ARB2A: variants seen among roughly 807,000 people sequenced by gnomAD.
ARB2A encodes the protein cotranscriptional regulator ARB2A.
At chr5:93,678,901 G>T in the ARB2A span, among the ~76,000 whole-genome samples, 1 of 152,184 alleles carries the variant, frequency 6.6e-6, no homozygotes, top group African/African-American at 2.4e-5. Context: ...ACTGAGGATT[G>T]TGTGTTGGTT....
At chr5:94,011,615 GA>G in the ARB2A span, among the ~76,000 whole-genome samples, 1 of 152,126 alleles carries the variant, frequency 6.6e-6, no homozygotes, top group Admixed American at 6.5e-5. Context: ...ATATAATGTA[GA>G]AAGACTGGCT....
the ARB2A span, among the ~76,000 whole-genome samples, chr5:93,998,852 G>A: frequency 1.3e-5 from 2 of 151,932 alleles, no homozygotes; most frequent in African/African-American, 4.8e-5. Context: ...CCATTACTAG[G>A]CTACAAATCT....
the ARB2A span, among the ~76,000 whole-genome samples, chr5:93,852,940 T>A: frequency 2.4e-4 from 36 of 152,282 alleles, no homozygotes; most frequent in African/African-American, 8.4e-4. Flanking sequence ...CGATGTGGGC[T>A]CTTTTTTTGG....
the ARB2A span, among the ~76,000 whole-genome samples, chr5:94,018,367 C>A: frequency 6.6e-6 from 1 of 152,296 alleles, no homozygotes; most frequent in Non-Finnish European, 1.5e-5. Flanking sequence ...AGGATCACAA[C>A]TTACATTTGC....
chr5:93,680,095 C>T, the ARB2A span, among the ~76,000 whole-genome samples: 1 of 151,964 alleles, frequency 6.6e-6, no homozygotes, highest in Non-Finnish European at 1.5e-5. Flanking sequence ...AATTTCAGTC[C>T]TAATATTACA....
the ARB2A span, among the ~76,000 whole-genome samples, chr5:94,045,476 TAAATCACAAACACTTTA>T: frequency 6.6e-6 from 1 of 152,146 alleles, no homozygotes; most frequent in Non-Finnish European, 1.5e-5. Context: ...CAAATACTTT[TAAATCACAAACACTTTA>T]ATAGTATGAA....
chr5:93,626,931 G>C, the ARB2A span, among the ~76,000 whole-genome samples: 1 of 152,290 alleles, frequency 6.6e-6, no homozygotes, highest in East Asian at 1.9e-4. Flanking sequence ...ACCCACAGTA[G>C]AACTTCTTTC....
chr5:93,995,312 T>TC, the ARB2A span, among the ~76,000 whole-genome samples: 4 of 152,208 alleles, frequency 2.6e-5, no homozygotes, highest in African/African-American at 9.6e-5. Flanking sequence ...AACAGTGATC[T>TC]CTCAAGGTTC....
the ARB2A span, among the ~76,000 whole-genome samples, chr5:93,972,478 A>AG: frequency 1.1e-3 from 174 of 152,168 alleles, no homozygotes; most frequent in Non-Finnish European, 1.5e-3. Context: ...AAAAAAAAAA[A>AG]AGAGAGAGAG....
chr5:93,958,996 A>G, the ARB2A span: 4 of 1,453,726 alleles, frequency 2.8e-6, no homozygotes, highest in Non-Finnish European at 3.7e-6. Flanking sequence ...TAAATAATAA[A>G]TAAATGTCTT....
chr5:93,668,172 C>T, the ARB2A span, among the ~76,000 whole-genome samples: 8 of 152,196 alleles, frequency 5.3e-5, no homozygotes, highest in South Asian at 2.1e-4. Context: ...GGCCTGATCT[C>T]GGCTCACTGC....
chr5:93,909,419 G>A, the ARB2A span, among the ~76,000 whole-genome samples: 1 of 150,218 alleles, frequency 6.7e-6, no homozygotes, highest in African/African-American at 2.4e-5. Flanking sequence ...GGTAAAAATG[G>A]ACAATCTTGA....
chr5:94,057,167 A>G, the ARB2A span, among the ~76,000 whole-genome samples: 6 of 152,358 alleles, frequency 3.9e-5, no homozygotes, highest in Admixed American at 3.3e-4. Context: ...CTCAGCCTCC[A>G]TAATTGTGTG....
At chr5:93,840,769 T>C in the ARB2A span, among the ~76,000 whole-genome samples, 1 of 152,186 alleles carries the variant, frequency 6.6e-6, no homozygotes, top group Admixed American at 6.6e-5. Context: ...AGAGATTAAT[T>C]AATTAATTAA....
chr5:93,717,296 T>A, the ARB2A span, among the ~76,000 whole-genome samples: 1 of 152,188 alleles, frequency 6.6e-6, no homozygotes, highest in East Asian at 1.9e-4. Context: ...ATGCTGAGAA[T>A]GAGGTAGGAG....
chr5:93,789,201 G>C, the ARB2A span, among the ~76,000 whole-genome samples: 1 of 152,116 alleles, frequency 6.6e-6, no homozygotes, highest in Non-Finnish European at 1.5e-5. Context: ...TACTGTGAGG[G>C]TTACAGCATG....
At chr5:93,645,767 T>C in the ARB2A span, among the ~76,000 whole-genome samples, 1 of 152,160 alleles carries the variant, frequency 6.6e-6, no homozygotes, top group African/African-American at 2.4e-5. Context: ...CAAAACACTA[T>C]GTATACTCCA....
At chr5:93,960,369 T>C in the ARB2A span, among the ~76,000 whole-genome samples, 2 of 152,086 alleles carry the variant, frequency 1.3e-5, no homozygotes, top group African/African-American at 4.8e-5. Flanking sequence ...GAGAATTCCA[T>C]AGTCCCCTTC....
At chr5:93,665,648 C>T in the ARB2A span, among the ~76,000 whole-genome samples, 1 of 152,206 alleles carries the variant, frequency 6.6e-6, no homozygotes, top group East Asian at 1.9e-4. Flanking sequence ...CATTCTATTA[C>T]TATAGATGCA....
Sources: gnomAD v4.1 joint callset for allele counts (sites outside exome capture counted in the v4.1 genomes callset) on GRCh38, gnomAD v4.1.1 for gene constraint, MANE v1.5 for transcripts, NCBI Gene and HGNC (gene_info 2026-07-23, HGNC 2026-07-21) for gene names.